AP3B1: variants seen among roughly 807,000 people sequenced by gnomAD.
The protein encoded by AP3B1 is adaptor related protein complex 3 subunit beta 1.
A neutral mutation model predicts 132.5 loss-of-function variants in AP3B1; 61 were observed. The ratio of observed to expected loss-of-function variants is 0.46; its 90% confidence interval spans 0.37 to 0.57. The LOEUF (loss-of-function observed/expected upper bound fraction) is 0.57. Among genes scored for constraint, AP3B1 ranks in the 20% least tolerant of loss-of-function variants. The pLI, the probability that AP3B1 is intolerant of heterozygous loss-of-function variation, is 0.00. For missense variants in AP3B1, 1,120 were observed against 1,289.4 expected, an observed-to-expected ratio of 0.87 and a Z score of 2.01; for synonymous variants, 388 against 438.3, an observed-to-expected ratio of 0.89 and a Z score of 1.43.
At chr5:78,220,618 A>G (rs1332264615) in intron 6 of AP3B1, among the ~76,000 whole-genome samples, 1 of 151,954 alleles carries the variant, frequency 6.6e-6, no homozygotes, top group African/African-American at 2.4e-5. Flanking sequence ...AGAGCAGCCT[A>G]TAAGGGAAAG....
At chr5:78,068,558 G>A (rs1434436217) in intron 22 of AP3B1, among the ~76,000 whole-genome samples, 2 of 152,098 alleles carry the variant, frequency 1.3e-5, no homozygotes, top group Non-Finnish European at 1.5e-5. Flanking sequence ...GAACCAGGAA[G>A]AAGTTGAATC....
chr5:78,034,329 T>C (rs773787690), intron 24 of AP3B1, 32 bp downstream of exon 24: 4 of 1,525,068 alleles, frequency 2.6e-6, no homozygotes, highest in East Asian at 4.5e-5. Flanking sequence ...CTTTACAGGT[T>C]ATATAAAAAA....
chr5:78,242,534 G>T (rs1256272337), intron 2 of AP3B1, among the ~76,000 whole-genome samples: 1 of 152,126 alleles, frequency 6.6e-6, no homozygotes, highest in Non-Finnish European at 1.5e-5. Context: ...AGTCTCCCGA[G>T]TAGCTGGGAT....
At chr5:78,120,775 A>G (rs905223340) in intron 17 of AP3B1, among the ~76,000 whole-genome samples, 2 of 152,196 alleles carry the variant, frequency 1.3e-5, no homozygotes, top group African/African-American at 2.4e-5. Flanking sequence ...TCAACATTAA[A>G]CAGATCAACG....
At chr5:78,289,099 G>GT (rs1320570783) in intron 1 of AP3B1, among the ~76,000 whole-genome samples, 1 of 152,086 alleles carries the variant, frequency 6.6e-6, no homozygotes, top group Non-Finnish European at 1.5e-5. Context: ...TAATAAAATT[G>GT]TATTTTTAAG....
At chr5:78,238,147 G>C (rs1469478552) in intron 3 of AP3B1, among the ~76,000 whole-genome samples, 1 of 152,148 alleles carries the variant, frequency 6.6e-6, no homozygotes, top group East Asian at 1.9e-4. Context: ...TCTGCCTACT[G>C]TAAGATCAAC....
chr5:78,066,926 T>C (rs1051679565), intron 22 of AP3B1, among the ~76,000 whole-genome samples: 1 of 151,944 alleles, frequency 6.6e-6, no homozygotes, highest in African/African-American at 2.4e-5. Context: ...AAAGGCCAGA[T>C]CACCTACAAA....
intron 22 of AP3B1, among the ~76,000 whole-genome samples, chr5:78,064,416 TG>T (rs915358105): frequency 3.9e-5 from 6 of 152,228 alleles, no homozygotes; most frequent in Non-Finnish European, 5.9e-5. Context: ...GTACTTTCCT[TG>T]TTAATCCTGA....
chr5:78,270,114 G>A (rs1459794234), intron 1 of AP3B1, among the ~76,000 whole-genome samples: 2 of 152,122 alleles, frequency 1.3e-5, no homozygotes, highest in African/African-American at 4.8e-5. Context: ...GTTTCATCAT[G>A]TTGGCCAGGC....
intron 18 of AP3B1, among the ~76,000 whole-genome samples, chr5:78,115,715 A>C (rs1413605803): frequency 6.6e-6 from 1 of 152,198 alleles, no homozygotes; most frequent in Non-Finnish European, 1.5e-5. Context: ...GAAAGAGATA[A>C]GTATAAAATG....
chr5:78,015,716 C>A, intron 25 of AP3B1, 168 bp from the exon 26 acceptor site: 6 of 649,990 alleles, frequency 9.2e-6, no homozygotes, highest in Non-Finnish European at 1.0e-5. Flanking sequence ...GCAATTGTTT[C>A]GAAGTTTTTT....
intron 22 of AP3B1, among the ~76,000 whole-genome samples, chr5:78,049,470 C>T (rs1030067990): frequency 2.0e-5 from 3 of 152,162 alleles, no homozygotes; most frequent in African/African-American, 7.2e-5. Context: ...TATCCTAGTC[C>T]TCAAGAAGTT....
chr5:78,181,436 T>C, intron 8 of AP3B1, 71 bp downstream of exon 8: 1 of 1,435,790 alleles, frequency 7.0e-7, no homozygotes, highest in Non-Finnish European at 9.7e-7. Context: ...ACTCACTTAC[T>C]AAATTGAGAT....
intron 22 of AP3B1, among the ~76,000 whole-genome samples, chr5:78,084,521 C>CAAAAAAAAAAAAAAAA (rs568637894): frequency 5.2e-4 from 23 of 43,882 alleles, no homozygotes; most frequent in Non-Finnish European, 6.7e-4. Flanking sequence ...CAGACCCTGT[C>CAAAAAAAAAAAAAAAA]AAAAAAAAAA....
chr5:78,281,192 T>C (rs10078877), intron 1 of AP3B1, among the ~76,000 whole-genome samples: 34,286 of 152,092 alleles, frequency 0.23, 4,537 homozygotes, highest in Middle Eastern at 0.31. Context: ...TCCAGCACTT[T>C]GGGAGGCCAA....
chr5:78,271,251 A>G (rs938748788), intron 1 of AP3B1, among the ~76,000 whole-genome samples: 1 of 151,978 alleles, frequency 6.6e-6, no homozygotes, highest in Non-Finnish European at 1.5e-5. Flanking sequence ...AAGAAACCCC[A>G]TCTCTACTAA....
chr5:78,229,315 A>G (rs1746531658), intron 3 of AP3B1, among the ~76,000 whole-genome samples: 1 of 152,234 alleles, frequency 6.6e-6, no homozygotes, highest in Non-Finnish European at 1.5e-5. Flanking sequence ...AACAAAAACT[A>G]GAATTTGAGT....
At chr5:78,072,810 C>T (rs562588791) in intron 22 of AP3B1, among the ~76,000 whole-genome samples, 37 of 148,716 alleles carry the variant, frequency 2.5e-4, no homozygotes, top group Non-Finnish European at 4.3e-4. Flanking sequence ...CAACCTCCAC[C>T]TCCCAGGTTC....
rs547833443 is a variant in AP3B1 at position 78,254,274 on chromosome 5, C to T, written c.204+13246G>A. Among the ~76,000 whole-genome samples, 20 of 152,088 alleles carry T rather than the reference C, an allele frequency of 1.3e-4. No homozygotes were observed. In the East Asian group the frequency reaches 3.7e-3, roughly 28 times the overall value. On this transcript the variant is annotated intron_variant, in intron 2 of 26. Transcript: ENST00000255194. ...GTCCTTAAAGGGAAGGTAGAGAAATCGATGGCGGTAGAAAGTTTATTCAAA... is the reference window on the plus strand; with the variant it reads ...GTCCTTAAAGGGAAGGTAGAGAAATTGATGGCGGTAGAAAGTTTATTCAAA...
Sources: gnomAD v4.1 joint callset for allele counts (sites outside exome capture counted in the v4.1 genomes callset) on GRCh38, gnomAD v4.1.1 for gene constraint, MANE v1.5 for transcripts, NCBI Gene and HGNC (gene_info 2026-07-23, HGNC 2026-07-21) for gene names.